Variants in FHIP1B observed in about 807,000 individuals in gnomAD.
FHIP1B encodes the protein FHF complex subunit HOOK-interacting protein 1B.
In FHIP1B, 28 loss-of-function variants were observed where a neutral mutation model predicts 82.2. That is an observed-to-expected ratio of 0.34 (90% confidence interval 0.25 to 0.47). FHIP1B has a LOEUF of 0.47. Among genes scored for constraint, FHIP1B ranks in the 20% least tolerant of loss-of-function variants. The pLI is 1.00. For missense variants in FHIP1B, 1,110 were observed against 1,262.6 expected (o/e 0.88, Z 1.83); for synonymous variants, 585 against 516.1 (o/e 1.13, Z -1.81).
At chr11:6,221,779 A>C (rs1847415024) in intron 6 of FHIP1B, among the ~76,000 whole-genome samples, 1 of 151,700 alleles carries the variant, frequency 6.6e-6, no homozygotes, top group Non-Finnish European at 1.5e-5. Context: ...ATTTCTAAGC[A>C]CTCTAGTTTT....
chr11:6,217,723 C>T lies in FHIP1B; in HGVS notation c.1863G>A (p.Gly621=), dbSNP rs779056263. The change falls in exon 9 of 12, where the codon GGG becomes GGA. Residue 621 remains glycine, a synonymous_variant. Transcript: ENST00000449352. ...EEELGRRGRA[G]GAGEGPGHLP... ...GGTGACCAGGGCCCTCCCCTGCACC[C>T]CCAGCCCGCCCCCTCCTCCCCAGCT... 6.2e-7 allele frequency: 1 copy of T among 1,605,904 alleles called. No homozygotes were observed. The highest frequency in any genetic ancestry group is 8.5e-7 in the Non-Finnish European group (1 of 1,175,876).
chr11:6,233,428 G>A (rs1377784433), intron 1 of FHIP1B, among the ~76,000 whole-genome samples: 1 of 152,120 alleles, frequency 6.6e-6, no homozygotes, highest in East Asian at 1.9e-4. Context: ...GGGGAGAAGA[G>A]GACCTAAAAG....
At chr11:6,218,222 G>A (rs774557766) in intron 8 of FHIP1B, 72 bp from the exon 9 acceptor site, 119 of 1,496,756 alleles carry the variant, frequency 8.0e-5, no homozygotes, top group Non-Finnish European at 9.7e-5. Context: ...CACCTCGGGA[G>A]ACTAAGAAAG....
chr11:6,222,977 A>G (rs564812184), intron 4 of FHIP1B, 80 bp from the exon 5 acceptor site: 1 of 1,570,008 alleles, frequency 6.4e-7, no homozygotes, highest in African/African-American at 1.4e-5. Flanking sequence ...CACTACAGAG[A>G]GGCATCCTAC....
At chr11:6,218,224 C>G in intron 8 of FHIP1B, 74 bp from the exon 9 acceptor site, 2 of 1,496,920 alleles carry the variant, frequency 1.3e-6, no homozygotes, top group South Asian at 2.7e-5. Flanking sequence ...CCTCGGGAGA[C>G]TAAGAAAGAA....
At position 6,233,028 on chromosome 11, in the gene FHIP1B, C is replaced by T. The variant is rs147193259; in HGVS notation, c.-192+1516G>A. On this transcript the variant is annotated intron_variant, in intron 1 of 11. Coordinates refer to ENST00000449352, the MANE Select transcript of FHIP1B (RefSeq NM_001098794.2). ...TGATAATTTTATCATGTACAGGGTC[C>T]TTGGTCCAGTGTTTAGGAACCACTA... Among the ~76,000 whole-genome samples the T allele has an allele frequency of 3.0e-3, 463 of 152,270 alleles. 2 individuals carry two copies. The highest frequency in any genetic ancestry group is 5.0e-3 in the Non-Finnish European group (339 of 68,018).
Position 6,223,675 on chromosome 11 carries a change from T to G in FHIP1B, c.712A>C (p.Met238Leu), listed in dbSNP as rs751464740. The G allele has an allele frequency of 6.2e-7, 1 of 1,613,102 alleles. No individual in the cohort carries two copies. Among genetic ancestry groups the G allele is most frequent in the African/African-American group, 1.3e-5 (1 of 74,974 alleles). ...GTGGGGCTCCCAGCTGACAAAGCCA[T>G]GAGAAGAAGTAGGGCATCACGGGCC... Reference protein sequence around the residue: ...QQARDALLLLMALSAGSPTVG... With the variant: ...QQARDALLLLLALSAGSPTVG... Residue 238 changes from methionine (M) to leucine (L), a missense_variant, in exon 3 of 12, where the codon ATG becomes CTG. Met to Leu is a conservative substitution (Grantham distance 15, BLOSUM62 2). Coordinates refer to ENST00000449352, the MANE Select transcript of FHIP1B (RefSeq NM_001098794.2). The surrounding 1 kb of genome is among the most constrained non-coding windows in gnomAD (Gnocchi z 4.8).
chr11:6,215,170 G>C (rs765461584), intron 9 of FHIP1B: 1 of 352,000 alleles, frequency 2.8e-6, no homozygotes, highest in Non-Finnish European at 5.1e-6. Flanking sequence ...GACTCTGAAA[G>C]ATCTGGTTTC....
At position 6,224,660 on chromosome 11, in the gene FHIP1B, G is replaced by T; in HGVS notation, c.-144C>A. On this transcript the variant is annotated 5_prime_UTR_variant, in exon 2 of 12. Coordinates refer to ENST00000449352, the MANE Select transcript of FHIP1B (RefSeq NM_001098794.2). ...CCCATGGAGCCAGAGGTTATACCAGGCTGGAATGGCAAGCCCAGAGGTCAC... is the reference window on the plus strand; with the variant it reads ...CCCATGGAGCCAGAGGTTATACCAGTCTGGAATGGCAAGCCCAGAGGTCAC... 2 of 812,452 alleles carry T rather than the reference G, an allele frequency of 2.5e-6. No individual in the cohort carries two copies. Among genetic ancestry groups the T allele is most frequent in the Non-Finnish European group, 3.8e-6 (2 of 529,112 alleles). 50.3% of individuals were successfully genotyped at this position (812,452 alleles called of 1,614,324 possible). A position where few individuals can be genotyped will look rare whatever the true frequency, so the allele number is the denominator to read the frequency against.
At position 6,223,045 on chromosome 11, in the gene FHIP1B, C is replaced by A; in HGVS notation, c.936+35G>T. 12 of 1,569,986 alleles carry A rather than the reference C, an allele frequency of 7.6e-6. No individual in the cohort carries two copies. The highest frequency in any genetic ancestry group is 1.0e-5 in the Non-Finnish European group (12 of 1,160,324). On this transcript the variant is annotated intron_variant, in intron 4 of 11. Transcript: ENST00000449352. The surrounding 1 kb of genome is among the most constrained non-coding windows in gnomAD (Gnocchi z 4.8). Reference sequence around the variant, plus strand: ...AATATACCCCCTCCTACCTAATCTCCCAAAAATGACCAAGGGCCAGACTTT... The same window carrying A: ...AATATACCCCCTCCTACCTAATCTCACAAAAATGACCAAGGGCCAGACTTT...
intron 11 of FHIP1B, among the ~76,000 whole-genome samples, chr11:6,213,099 C>G (rs1847118428): frequency 6.6e-6 from 1 of 152,120 alleles, no homozygotes; most frequent in Non-Finnish European, 1.5e-5. Flanking sequence ...CTACCTGGCC[C>G]CTCTAAAGTG....
At chr11:6,225,516 C>T (rs531643074) in intron 1 of FHIP1B, among the ~76,000 whole-genome samples, 3 of 152,312 alleles carry the variant, frequency 2.0e-5, no homozygotes, top group African/African-American at 7.2e-5. Flanking sequence ...ATTTGTCTAT[C>T]TTCCCCACAT....
chr11:6,214,959 T>G, intron 9 of FHIP1B, 48 bp from the exon 10 acceptor site: 1 of 1,477,134 alleles, frequency 6.8e-7, no homozygotes, highest in Non-Finnish European at 9.0e-7. Flanking sequence ...CTGAACACAA[T>G]GCACATCGCA....
At chr11:6,219,424 A>T (rs531644731) in intron 6 of FHIP1B, among the ~76,000 whole-genome samples, 1 of 152,350 alleles carries the variant, frequency 6.6e-6, no homozygotes, top group African/African-American at 2.4e-5. Context: ...GAAACATGGT[A>T]ATTAAGTGAA....
intron 9 of FHIP1B, chr11:6,217,149 G>GT (rs1564859570): frequency 4.3e-6 from 3 of 704,406 alleles, no homozygotes; most frequent in Admixed American, 4.0e-5. Context: ...AGGCTCAGAT[G>GT]TAAGTCAATA....
chr11:6,216,343 G>A (rs972698900), intron 9 of FHIP1B, among the ~76,000 whole-genome samples: 3 of 152,228 alleles, frequency 2.0e-5, no homozygotes, highest in African/African-American at 4.8e-5. Flanking sequence ...ATGAGTGTTT[G>A]CCTTAGTCAA....
Position 6,222,490 on chromosome 11 carries a change from G to A in FHIP1B, c.1143C>T (p.Thr381=). ...LRFLLLHRHD[T]HTILDTLVAR... ...CAACGAGGGTGTCGAGGATGGTGTG[G>A]GTGTCATGCCGGTGCAACAACAGGA... The change falls in exon 6 of 12, where the codon ACC becomes ACT. Residue 381 remains threonine, a synonymous_variant. Transcript: ENST00000449352. 1 of 1,614,048 alleles carries A rather than the reference G, an allele frequency of 6.2e-7. No individual in the cohort carries two copies. Among genetic ancestry groups the A allele is most frequent in the Non-Finnish European group, 8.5e-7 (1 of 1,180,020 alleles).
At chr11:6,224,341 G>A (rs745984132) in intron 2 of FHIP1B, 38 bp downstream of exon 2, 6 of 1,614,220 alleles carry the variant, frequency 3.7e-6, no homozygotes, top group Non-Finnish European at 5.1e-6. Flanking sequence ...GAACTCAGGT[G>A]ATCAGCAGAC....
chr11:6,224,572 C>A lies in FHIP1B; in HGVS notation c.-56G>T. ...GGCCTACACTCTGAGGATTTGCCAG[C>A]TGGAGGTTTTCTCCACTTGTGTCTC... On this transcript the variant is annotated 5_prime_UTR_variant, in exon 2 of 12. Coordinates refer to ENST00000449352, the MANE Select transcript of FHIP1B (RefSeq NM_001098794.2). The A allele has an allele frequency of 2.0e-6, 3 of 1,533,792 alleles. No homozygotes were observed. The highest frequency in any genetic ancestry group is 2.6e-5 in the South Asian group (2 of 77,568).
Sources: allele counts gnomAD v4.1 joint callset (sites outside exome capture counted in the v4.1 genomes callset), GRCh38; gene constraint gnomAD v4.1.1; non-coding constraint Gnocchi (gnomAD v3.1); transcripts MANE v1.5; gene names NCBI Gene and HGNC (gene_info 2026-07-23, HGNC 2026-07-21).